Variants in DOCK6 observed in about 807,000 individuals in gnomAD.
DOCK6 encodes the protein dedicator of cytokinesis 6.
DOCK6 carries 167 observed loss-of-function variants against 230.3 expected under a neutral mutation model. The observed-to-expected ratio is 0.73, with a 90% CI of 0.64 to 0.82. The LOEUF (loss-of-function observed/expected upper bound fraction) is 0.82. Ranked by LOEUF, DOCK6 falls within the 40% of genes least tolerant of loss-of-function variation. The pLI, the probability that DOCK6 is intolerant of heterozygous loss-of-function variation, is 0.00. For synonymous variants in DOCK6, 1,148 were observed against 1,185.0 expected, an observed-to-expected ratio of 0.97 and a Z score of 0.64; for missense variants, 2,598 against 2,825.8, an observed-to-expected ratio of 0.92 and a Z score of 1.83.
Position 11,222,464 on chromosome 19 carries a change from GT to G in DOCK6, c.3241-217del, listed in dbSNP as rs2147783572. On this transcript the variant is annotated intron_variant, in intron 26 of 47. Coordinates refer to ENST00000294618, the MANE Select transcript of DOCK6 (RefSeq NM_020812.4). This position sits in a 1 kb window ranked among gnomAD's most constrained non-coding sequence, Gnocchi z 4.0. Reference sequence around the variant, plus strand: ...CATCTGTGATGTAACAGGGCACGGAGTCAAAAGTCAGAGGACTGAGAAATAG... The same window carrying G: ...CATCTGTGATGTAACAGGGCACGGAGCAAAAGTCAGAGGACTGAGAAATAG... The G allele has an allele frequency of 1.3e-6, 1 of 753,980 alleles. No individual in the cohort carries two copies. Among genetic ancestry groups the G allele is most frequent in the South Asian group, 1.9e-5 (1 of 52,066 alleles). 46.7% of individuals were successfully genotyped at this position (753,980 alleles called of 1,614,324 possible).
At chr19:11,246,022 A>G in intron 7 of DOCK6, 144 bp from the exon 8 acceptor site, 1 of 940,820 alleles carries the variant, frequency 1.1e-6, no homozygotes. Flanking sequence ...CAGAAAAGGT[A>G]CATCTCATTT....
rs544650453 is a variant in DOCK6, at chr19:11,219,172, C to T, written c.3551-1781G>A. Among the ~76,000 whole-genome samples, 8 of 133,324 alleles carry T rather than the reference C, an allele frequency of 6.0e-5. No homozygotes were observed. In the East Asian group the frequency reaches 8.9e-4, roughly 15 times the overall value. 87.5% of individuals were successfully genotyped at this position (133,324 alleles called of 152,430 possible). On this transcript the variant is annotated intron_variant, in intron 28 of 47. Coordinates refer to ENST00000294618, the MANE Select transcript of DOCK6 (RefSeq NM_020812.4). ...GATTACAGGCATGAGCCACTGCGCC[C>T]GGTTTTTTTTTTTTTTTTTTTTTTT...
intron 33 of DOCK6, 30 bp downstream of exon 33, chr19:11,214,523 G>A (rs776447351): frequency 1.9e-6 from 3 of 1,613,698 alleles, no homozygotes; most frequent in Non-Finnish European, 2.5e-6. Context: ...TGGGCTCAGA[G>A]CACAAGGCAG....
intron 24 of DOCK6, 95 bp downstream of exon 24, chr19:11,227,242 G>A (rs1034415344): frequency 5.9e-6 from 9 of 1,524,586 alleles, no homozygotes; most frequent in Admixed American, 3.7e-5. Context: ...CTGGTCTTAC[G>A]GCCAGGAGAC....
intron 24 of DOCK6, among the ~76,000 whole-genome samples, chr19:11,226,653 T>C (rs886905550): frequency 1.3e-5 from 2 of 152,140 alleles, no homozygotes; most frequent in African/African-American, 4.8e-5. Flanking sequence ...AGTGAAACTC[T>C]GTCTCAGAAA....
chr19:11,208,846 G>A lies in DOCK6; in HGVS notation c.4945-17C>T. 12 of 1,608,876 alleles carry A rather than the reference G, an allele frequency of 7.5e-6. No individual in the cohort carries two copies. Among genetic ancestry groups the A allele is most frequent in the Non-Finnish European group, 1.0e-5 (12 of 1,175,748 alleles). On this transcript the variant is annotated splice_polypyrimidine_tract_variant and intron_variant, in intron 38 of 47. Coordinates refer to ENST00000294618, the MANE Select transcript of DOCK6 (RefSeq NM_020812.4). ...TGAGATGTTCTGGGGTGGGAGAGGT[G>A]GCGTCAGACCCTGGTCCCCACTGCA...
At chr19:11,229,128 C>A in intron 22 of DOCK6, 93 bp from the exon 23 acceptor site, 1 of 1,372,648 alleles carries the variant, frequency 7.3e-7, no homozygotes, top group South Asian at 1.3e-5. Context: ...AGCTGGAGGG[C>A]TCGGGGTTAG....
At chr19:11,206,836 T>G (rs759728540) in intron 39 of DOCK6, among the ~76,000 whole-genome samples, 1 of 19,334 alleles carries the variant, frequency 5.2e-5, no homozygotes, top group Non-Finnish European at 9.6e-5. Context: ...TTGTGGTGGT[T>G]TTTTTTTTTT....
rs369679393 is a variant in DOCK6 at position 11,236,384 on chromosome 19, C to T, written c.2354G>A (p.Arg785His). Residue 785 changes from arginine (R) to histidine (H), a missense_variant, in exon 20 of 48, where the codon CGT (arginine) becomes CAT (histidine). Arg to His is a conservative substitution (Grantham distance 29). Coordinates refer to ENST00000294618, the MANE Select transcript of DOCK6 (RefSeq NM_020812.4). The surrounding 1 kb of genome is among the most constrained non-coding windows in gnomAD (Gnocchi z 5.2). ...FSHHVLDKLVRLVIRPPIISG... is the reference protein window; with the variant it reads ...FSHHVLDKLVHLVIRPPIISG... ...GATGATCGGGGGCCTGATGACCAGA[C>T]GCACGAGCTTGTCCAGCACGTGGTG... 59 of 1,577,506 alleles carry T rather than the reference C, an allele frequency of 3.7e-5. No homozygotes were observed. Among genetic ancestry groups the T allele is most frequent in the Middle Eastern group, 3.3e-4 (2 of 6,004 alleles).
Position 11,235,706 on chromosome 19 carries a change from G to T in DOCK6, c.2446C>A (p.His816Asn). ...EAMAHVVSLV[H>N]RSLEAAQDAR... ...TCCTGGGCTGCCTCCAGGCTCCGGT[G>T]AACAAGGCTGACTACATGGGCCATT... is the stretch of plus-strand genomic sequence containing the variant. Residue 816 changes from histidine (H) to asparagine (N), a missense_variant, in exon 21 of 48, where the codon CAC becomes AAC. Physicochemically the swap from His to Asn is moderately conservative, Grantham distance 68 (BLOSUM62 1). Transcript: ENST00000294618. 1 of 1,600,130 alleles carries T rather than the reference G, an allele frequency of 6.2e-7. No individual in the cohort carries two copies. Among genetic ancestry groups the T allele is most frequent in the East Asian group, 2.3e-5 (1 of 44,440 alleles).
chr19:11,207,719 G>A (rs1413467694), intron 39 of DOCK6, among the ~76,000 whole-genome samples: 4 of 151,828 alleles, frequency 2.6e-5, no homozygotes, highest in African/African-American at 9.7e-5. Flanking sequence ...CTTGAGCTCA[G>A]GAGTTCAAGA....
intron 18 of DOCK6, 159 bp from the exon 19 acceptor site, chr19:11,237,038 G>A (rs2079860245): frequency 3.0e-6 from 2 of 676,520 alleles, no homozygotes; most frequent in Non-Finnish European, 4.9e-6. Context: ...TAGACTGAGA[G>A]GGTCCACTGG....
Position 11,243,450 on chromosome 19 carries a change from A to C in DOCK6, c.1259-65T>G. ...TGAAACAGGGAGACTCAGGGGCGGC[A>C]CAGTTCGGCCAGCAGAGGGCGCACC... On this transcript the variant is annotated intron_variant, in intron 11 of 47. Coordinates refer to ENST00000294618, the MANE Select transcript of DOCK6 (RefSeq NM_020812.4). This position sits in a 1 kb window ranked among gnomAD's most constrained non-coding sequence, Gnocchi z 6.3. The C allele has an allele frequency of 1.3e-6, 2 of 1,565,818 alleles. No individual in the cohort carries two copies. The highest frequency in any genetic ancestry group is 2.3e-5 in the South Asian group (2 of 85,690).
rs2079972871 is a variant in DOCK6, at chr19:11,243,125, G to A, written c.1414C>T (p.Leu472Phe). 1 of 1,614,008 alleles carries A rather than the reference G, an allele frequency of 6.2e-7. No individual in the cohort carries two copies. The highest frequency in any genetic ancestry group is 8.5e-7 in the Non-Finnish European group (1 of 1,179,892). ...CTCATGTCAGCCAGGAACTTGAAGA[G>A]GTCCTCGTCACTGAGTCGCTCAGCC... ...QEAERLSDED[L>F]FKFLADMRRP... Residue 472 changes from leucine to phenylalanine, a missense_variant, in exon 13 of 48, where the codon CTC (leucine) becomes TTC (phenylalanine). By Grantham distance (22) the Leu-to-Phe change is conservative. Coordinates refer to ENST00000294618, the MANE Select transcript of DOCK6 (RefSeq NM_020812.4). This position sits in a 1 kb window ranked among gnomAD's most constrained non-coding sequence, Gnocchi z 6.3.
intron 37 of DOCK6, among the ~76,000 whole-genome samples, chr19:11,211,487 C>T (rs2079382760): frequency 6.6e-6 from 1 of 151,770 alleles, no homozygotes; most frequent in Non-Finnish European, 1.5e-5. Context: ...TCTCTCCTTA[C>T]TTGTGCCCTC....
intron 1 of DOCK6, 62 bp from the exon 2 acceptor site, chr19:11,253,788 T>A (rs2080159313): frequency 8.6e-7 from 1 of 1,168,546 alleles, no homozygotes; most frequent in Admixed American, 3.1e-5. Flanking sequence ...GCGGACAGAT[T>A]CTTTCTATGA....
Position 11,217,257 on chromosome 19 carries a change from C to T in DOCK6, c.3685G>A (p.Ala1229Thr). The T allele has an allele frequency of 6.2e-7, 1 of 1,612,674 alleles. No individual in the cohort carries two copies. The highest frequency in any genetic ancestry group is 8.5e-7 in the Non-Finnish European group (1 of 1,179,540). Reference protein sequence around the residue: ...AGGPLAPGSRASISQGPPTAS... With the variant: ...AGGPLAPGSRTSISQGPPTAS... ...GTTGGTGGCCCCTGGGAGATGCTGG[C>T]CCGGGAGCCAGGGGCTAGGGGGCCA... Residue 1229 changes from alanine (A) to threonine (T), a missense_variant, in exon 29 of 48, where the codon GCC (alanine) becomes ACC (threonine). Ala to Thr is a moderately conservative substitution (Grantham distance 58). Coordinates refer to ENST00000294618, the MANE Select transcript of DOCK6 (RefSeq NM_020812.4).
Position 11,204,094 on chromosome 19 carries a change from C to T in DOCK6, c.5222G>A (p.Ser1741Asn). 6.5e-7 allele frequency: 1 copy of T among 1,550,100 alleles called. No homozygotes were observed. Among genetic ancestry groups the T allele is most frequent in the Non-Finnish European group, 8.7e-7 (1 of 1,146,714 alleles). ...AGGCTGACTCACCTCCCAGCCGGAA[C>T]TCTGTGGGGAAGAGAAGGGTCAAGG... is the stretch of plus-strand genomic sequence containing the variant. ...QEAFTKIMHQ[S>N]SGWERVFGTY... Residue 1741 changes from serine (S) to asparagine (N), a missense_variant and splice_region_variant, in exon 41 of 48, where the codon AGT becomes AAT. By Grantham distance (46) the Ser-to-Asn change is conservative. Transcript: ENST00000294618.
At position 11,243,983 on chromosome 19, in the gene DOCK6, C is replaced by A; in HGVS notation, c.1024-101G>T. On this transcript the variant is annotated intron_variant, in intron 9 of 47. Transcript: ENST00000294618. The surrounding 1 kb of genome is among the most constrained non-coding windows in gnomAD (Gnocchi z 6.3). ...TGGACCCCTCATGGGCCCTCGGACA[C>A]TCCTAACATATGAAGGCCTTTGCTC... 1 of 1,285,354 alleles carries A rather than the reference C, an allele frequency of 7.8e-7. No homozygotes were observed. Among genetic ancestry groups the A allele is most frequent in the African/African-American group, 1.5e-5 (1 of 67,900 alleles). 79.6% of individuals were successfully genotyped at this position (1,285,354 alleles called of 1,614,324 possible).
Sources: gnomAD v4.1 joint callset for allele counts (sites outside exome capture counted in the v4.1 genomes callset) on GRCh38, gnomAD v4.1.1 for gene constraint, Gnocchi (gnomAD v3.1) non-coding constraint, MANE v1.5 for transcripts, NCBI Gene and HGNC (gene_info 2026-07-23, HGNC 2026-07-21) for gene names.